CA10: variants seen among roughly 807,000 people sequenced by gnomAD.
The protein encoded by CA10 is carbonic anhydrase 10 (inactive).
Under a neutral mutation model 44.2 loss-of-function variants are expected in CA10, and 14 were observed. The ratio of observed to expected loss-of-function variants is 0.32; its 90% CI spans 0.21 to 0.50. CA10 has a LOEUF of 0.50. Among genes scored for constraint, CA10 ranks in the 20% least tolerant of loss-of-function variants. CA10 has a pLI of 0.99. For synonymous variants in CA10, 159 were observed against 141.6 expected, an observed-to-expected ratio of 1.12 and a Z score of -0.87; for missense variants, 350 against 409.7, an observed-to-expected ratio of 0.85 and a Z score of 1.26.
intron 2 of CA10, among the ~76,000 whole-genome samples, chr17:52,006,073 A>T (rs1002458604): frequency 4.0e-5 from 6 of 151,872 alleles, no homozygotes; most frequent in African/African-American, 1.4e-4. Context: ...CCAAAGAGAG[A>T]TGATGCTGAA....
At chr17:52,049,884 C>G (rs200304623) in intron 2 of CA10, among the ~76,000 whole-genome samples, 1 of 151,982 alleles carries the variant, frequency 6.6e-6, no homozygotes, top group Non-Finnish European at 1.5e-5. Flanking sequence ...TTTACTGGCC[C>G]TTTTCTATGT....
intron 3 of CA10, among the ~76,000 whole-genome samples, chr17:51,886,828 C>A (rs970531645): frequency 3.3e-5 from 5 of 152,152 alleles, no homozygotes; most frequent in Admixed American, 6.5e-5. Flanking sequence ...GCTTGGATAT[C>A]CATCTTCTCT....
At chr17:51,893,954 G>A (rs751862722) in intron 3 of CA10, among the ~76,000 whole-genome samples, 85 of 152,060 alleles carry the variant, frequency 5.6e-4, no homozygotes, top group Admixed American at 5.9e-4. Flanking sequence ...AAAAAATTTA[G>A]AATTCAAGAT....
chr17:52,072,413 G>A lies in CA10; in HGVS notation c.62-20C>T. On this transcript the variant is annotated intron_variant, in intron 1 of 8. Coordinates refer to ENST00000451037, the MANE Select transcript of CA10 (RefSeq NM_020178.5). ...GTTGAGCTAAAGGAAAAGCAAAGAA[G>A]AGAGATTAAGATGATAGCAGAGAAG... The A allele has an allele frequency of 1.9e-6, 3 of 1,576,250 alleles. No homozygotes were observed. Among genetic ancestry groups the A allele is most frequent in the Non-Finnish European group, 2.6e-6 (3 of 1,145,898 alleles).
At position 51,679,346 on chromosome 17, in the gene CA10, G is replaced by A. The variant is rs1276438510; in HGVS notation, c.466-25610C>T. ...GTGATCTCTGCTCACTGCAAGCTCC[G>A]CCTCCCGGGTTCACACCATTCTCCT... On this transcript the variant is annotated intron_variant, in intron 4 of 8. Coordinates refer to ENST00000451037, the MANE Select transcript of CA10 (RefSeq NM_020178.5). 2.6e-4 allele frequency among the ~76,000 whole-genome samples: 38 copies of A among 145,246 alleles called. No individual in the cohort carries two copies. In the East Asian group the frequency reaches 7.1e-3, roughly 27 times the overall value.
chr17:51,951,242 G>C (rs1983469984), intron 2 of CA10, among the ~76,000 whole-genome samples: 1 of 152,112 alleles, frequency 6.6e-6, no homozygotes, highest in African/African-American at 2.4e-5. Flanking sequence ...GACCTTATTA[G>C]TTCACCTTTT....
chr17:51,991,585 G>A (rs203033), intron 2 of CA10, among the ~76,000 whole-genome samples: 79,111 of 151,904 alleles, frequency 0.52, 21,971 homozygotes, highest in African/African-American at 0.71. Context: ...AGAGGTGGGC[G>A]GATCACCAGA....
At chr17:51,926,639 C>T (rs1453608959) in intron 3 of CA10, among the ~76,000 whole-genome samples, 1 of 152,188 alleles carries the variant, frequency 6.6e-6, no homozygotes, top group East Asian at 1.9e-4. Flanking sequence ...GCCTCCTTGG[C>T]TCATGGCCCT....
intron 2 of CA10, among the ~76,000 whole-genome samples, chr17:52,029,852 T>C (rs1199317450): frequency 1.5e-5 from 2 of 131,106 alleles, no homozygotes; most frequent in Non-Finnish European, 3.4e-5. Flanking sequence ...AAAAAAGCTA[T>C]GTAACTGAAC....
intron 3 of CA10, among the ~76,000 whole-genome samples, chr17:51,840,608 C>A (rs1978312027): frequency 6.6e-6 from 1 of 151,978 alleles, no homozygotes; most frequent in African/African-American, 2.4e-5. Context: ...GTGTTTTTGA[C>A]TCTGGAGAGT....
intron 4 of CA10, among the ~76,000 whole-genome samples, chr17:51,686,913 G>A (rs142958861): frequency 3.3e-5 from 5 of 152,078 alleles, no homozygotes; most frequent in African/African-American, 4.8e-5. Flanking sequence ...AACATCCAAC[G>A]TCATTCTACC....
intron 1 of CA10, among the ~76,000 whole-genome samples, chr17:52,135,329 G>A (rs993803753): frequency 9.9e-5 from 15 of 152,160 alleles, no homozygotes; most frequent in Admixed American, 2.6e-4. Flanking sequence ...TGACCATGCA[G>A]TGGTTCTGGC....
chr17:51,948,319 C>CTG (rs1598134062), intron 2 of CA10, among the ~76,000 whole-genome samples: 1 of 152,182 alleles, frequency 6.6e-6, no homozygotes, highest in Non-Finnish European at 1.5e-5. Context: ...GGAGCTCTTC[C>CTG]TGTTTGCCTC....
intron 4 of CA10, among the ~76,000 whole-genome samples, chr17:51,667,672 C>T (rs1914258590): frequency 6.6e-6 from 1 of 152,008 alleles, no homozygotes; most frequent in African/African-American, 2.4e-5. Flanking sequence ...CTTTTCTCTC[C>T]TAGTGGATTT....
At chr17:52,106,247 C>T (rs918983757) in intron 1 of CA10, among the ~76,000 whole-genome samples, 4 of 152,142 alleles carry the variant, frequency 2.6e-5, no homozygotes, top group Non-Finnish European at 5.9e-5. Flanking sequence ...TCTTCCTGAC[C>T]ACGGGGCCAT....
intron 4 of CA10, among the ~76,000 whole-genome samples, chr17:51,692,446 A>ATGAT (rs1915245138): frequency 6.6e-6 from 1 of 151,262 alleles, no homozygotes; most frequent in African/African-American, 2.4e-5. Context: ...TACCATGGGA[A>ATGAT]TGATAGGTTT....
At chr17:51,913,244 A>G (rs1981858923) in intron 3 of CA10, among the ~76,000 whole-genome samples, 1 of 152,178 alleles carries the variant, frequency 6.6e-6, no homozygotes, top group African/African-American at 2.4e-5. Flanking sequence ...ATAGCAAAGG[A>G]AACTTTGGAA....
At chr17:51,988,712 A>G (rs1402789195) in intron 2 of CA10, among the ~76,000 whole-genome samples, 1 of 152,024 alleles carries the variant, frequency 6.6e-6, no homozygotes, top group African/African-American at 2.4e-5. Flanking sequence ...TTAGAGATAC[A>G]CATATTATAG....
intron 1 of CA10, among the ~76,000 whole-genome samples, chr17:52,149,623 C>CT (rs1434103935): frequency 1.3e-5 from 2 of 152,192 alleles, no homozygotes; most frequent in Admixed American, 6.5e-5. Context: ...AAAACCTTCA[C>CT]TAATCAATGA....
Sources: allele counts gnomAD v4.1 joint callset (sites outside exome capture counted in the v4.1 genomes callset), GRCh38; gene constraint gnomAD v4.1.1; transcripts MANE v1.5; gene names NCBI Gene and HGNC (gene_info 2026-07-23, HGNC 2026-07-21).